ATP2C2: variants seen among roughly 807,000 people sequenced by gnomAD.
ATP2C2 encodes calcium-transporting ATPase type 2C member 2.
A neutral mutation model predicts 110.8 loss-of-function variants in ATP2C2; 171 were observed. The ratio of observed to expected loss-of-function variants is 1.54; its 90% CI spans 1.36 to 1.75. The LOEUF is 1.75. Among genes scored for constraint, ATP2C2 ranks in the 40% most tolerant of loss-of-function variants. The pLI is 0.00. For synonymous variants in ATP2C2, 804 were observed against 508.4 expected (o/e 1.58, Z -7.82); for missense variants, 1,963 against 1,235.0 (o/e 1.59, Z -8.84).
intron 4 of ATP2C2, among the ~76,000 whole-genome samples, chr16:84,409,051 T>C (rs192075475): frequency 6.6e-6 from 1 of 152,118 alleles, no homozygotes; most frequent in African/African-American, 2.4e-5. Context: ...TACCAGCCCT[T>C]GGCAACCACC....
At chr16:84,377,366 A>G (rs1910309623) in intron 1 of ATP2C2, among the ~76,000 whole-genome samples, 1 of 152,110 alleles carries the variant, frequency 6.6e-6, no homozygotes, top group Non-Finnish European at 1.5e-5. Context: ...TTTGTTGTCA[A>G]TGAATATGAA....
At chr16:84,431,237 A>G (rs8045457) in intron 11 of ATP2C2, among the ~76,000 whole-genome samples, 57,970 of 152,010 alleles carry the variant, frequency 0.38, 11,240 homozygotes, top group African/African-American at 0.4. Flanking sequence ...GGTGGCTCAC[A>G]CCTGTAATCA....
intron 23 of ATP2C2, chr16:84,460,214 C>G (rs893749002): frequency 1.4e-5 from 3 of 220,114 alleles, no homozygotes; most frequent in Non-Finnish European, 1.8e-5. Flanking sequence ...CACCCGGCCA[C>G]TCCCACCATA....
At chr16:84,371,142 C>T (rs1909930625) in intron 1 of ATP2C2, among the ~76,000 whole-genome samples, 1 of 152,142 alleles carries the variant, frequency 6.6e-6, no homozygotes. Flanking sequence ...AGACAGAGGA[C>T]TGGTGGTTGA....
rs140115091 is a variant in ATP2C2, at chr16:84,463,511, C to T, written c.2723-103C>T. 69 of 966,378 alleles carry T rather than the reference C, an allele frequency of 7.1e-5. No individual in the cohort carries two copies. In the Middle Eastern group the frequency reaches 1.5e-3, roughly 21 times the overall value. The allele number at this position is 966,378 out of a possible 1,614,324, so 59.9% of individuals were successfully genotyped here. ...AGGGGAATGAAAAGGGCTGGTCCTC[C>T]GCACCTCTCACTTTATCAGGAGGAC... On this transcript the variant is annotated intron_variant, in intron 26 of 26. Transcript: ENST00000262429.
chr16:84,410,857 G>C (rs1030821521), intron 6 of ATP2C2, 92 bp downstream of exon 6: 1 of 1,293,520 alleles, frequency 7.7e-7, no homozygotes, highest in Non-Finnish European at 1.1e-6. Context: ...TTGTATCCTT[G>C]GTAGTGTCGG....
At chr16:84,459,559 G>A (rs898503266) in intron 23 of ATP2C2, 173 bp downstream of exon 23, 9 of 1,537,508 alleles carry the variant, frequency 5.9e-6, no homozygotes, top group African/African-American at 1.4e-5. Flanking sequence ...GGAGTAGAAG[G>A]CAGAGGAGAA....
intron 11 of ATP2C2, among the ~76,000 whole-genome samples, chr16:84,436,012 C>G (rs1311972289): frequency 6.6e-6 from 1 of 151,964 alleles, no homozygotes; most frequent in African/African-American, 2.4e-5. Context: ...GCCTGTAATT[C>G]CAGCTACGCG....
At chr16:84,438,338 C>A (rs1908928882) in intron 11 of ATP2C2, among the ~76,000 whole-genome samples, 1 of 152,192 alleles carries the variant, frequency 6.6e-6, no homozygotes, top group Non-Finnish European at 1.5e-5. Context: ...CACCAGGCAT[C>A]ATACCTTTCC....
At chr16:84,449,694 T>C (rs1361950292) in intron 17 of ATP2C2, among the ~76,000 whole-genome samples, 3 of 152,184 alleles carry the variant, frequency 2.0e-5, no homozygotes, top group Admixed American at 6.5e-5. Flanking sequence ...GCGACGGGGC[T>C]GTGGCGTCCC....
chr16:84,381,113 G>T (rs1213200828), intron 1 of ATP2C2, among the ~76,000 whole-genome samples: 1 of 152,202 alleles, frequency 6.6e-6, no homozygotes, highest in Non-Finnish European at 1.5e-5. Flanking sequence ...AGTCGGCAAA[G>T]GGTGGTGGAT....
chr16:84,463,269 G>C (rs1911576160), intron 26 of ATP2C2, among the ~76,000 whole-genome samples: 1 of 152,100 alleles, frequency 6.6e-6, no homozygotes, highest in African/African-American at 2.4e-5. Context: ...GCCCAGACTG[G>C]TCACTCAGGA....
rs1345241837 is a variant in ATP2C2, at chr16:84,459,405, G to A, written c.2333+19G>A. The A allele has an allele frequency of 2.5e-6, 4 of 1,611,218 alleles. No homozygotes were observed. The highest frequency in any genetic ancestry group is 3.4e-6 in the Non-Finnish European group (4 of 1,177,428). On this transcript the variant is annotated intron_variant, in intron 23 of 26. Transcript: ENST00000262429. ...CGCAGAGGTGAGGCAGGGCCGGCTG[G>A]GAGCCCTGTGTCTCTTTACCCACCT...
At chr16:84,431,701 G>A (rs1186958410) in intron 11 of ATP2C2, among the ~76,000 whole-genome samples, 1 of 152,074 alleles carries the variant, frequency 6.6e-6, no homozygotes, top group Non-Finnish European at 1.5e-5. Flanking sequence ...ATGAGATGAT[G>A]GAGTTGCTTA....
chr16:84,435,833 A>T (rs1222300046), intron 11 of ATP2C2, among the ~76,000 whole-genome samples: 2 of 151,916 alleles, frequency 1.3e-5, no homozygotes, highest in East Asian at 3.9e-4. Context: ...CCTCAAAAAA[A>T]AAAATAAAAA....
Position 84,441,466 on chromosome 16 carries a change from C to T in ATP2C2, c.1311+508C>T, listed in dbSNP as rs999397143. Among the ~76,000 whole-genome samples the T allele has an allele frequency of 2.0e-5, 3 of 152,052 alleles. No individual in the cohort carries two copies. The East Asian group carries it at 5.8e-4, about 29-fold the overall frequency. On this transcript the variant is annotated intron_variant, in intron 14 of 26. Transcript: ENST00000262429. ...TCCCCTGTTGCTGTGATGAGTCCTG[C>T]GGTCCGAGCTGTACTCACCCTTTCA...
At chr16:84,411,000 C>G in intron 6 of ATP2C2, 2 of 566,540 alleles carry the variant, frequency 3.5e-6, no homozygotes, top group Non-Finnish European at 3.2e-6. Context: ...ATCAGGGTGC[C>G]TAGCCTGAGG....
intron 11 of ATP2C2, among the ~76,000 whole-genome samples, chr16:84,429,491 A>T (rs1908076821): frequency 6.6e-6 from 1 of 152,120 alleles, no homozygotes; most frequent in African/African-American, 2.4e-5. Flanking sequence ...CTTCGGTGTT[A>T]CTGTGTATAG....
intron 11 of ATP2C2, 181 bp downstream of exon 11, chr16:84,425,982 A>T (rs1055381616): frequency 3.0e-6 from 2 of 658,338 alleles, no homozygotes; most frequent in Non-Finnish European, 5.3e-6. Flanking sequence ...TGCCCGGCGA[A>T]TGCTTGCAAA....
Sources: allele counts gnomAD v4.1 joint callset (sites outside exome capture counted in the v4.1 genomes callset), GRCh38; gene constraint gnomAD v4.1.1; transcripts MANE v1.5; gene names NCBI Gene and HGNC (gene_info 2026-07-23, HGNC 2026-07-21).